Variants in HAGH observed in about 807,000 individuals in gnomAD.
HAGH encodes the protein hydroxyacylglutathione hydrolase.
In HAGH, 29 loss-of-function variants were observed where a neutral mutation model predicts 35.1. That is an observed-to-expected ratio of 0.83 (90% CI 0.62 to 1.13). The LOEUF is 1.13. HAGH is among the 50% of genes most tolerant of loss of function. The pLI is 0.00. For missense variants in HAGH, 478 were observed against 419.6 expected (o/e 1.14, Z -1.22); for synonymous variants, 225 against 176.1 (o/e 1.28, Z -2.20).
Position 1,809,253 on chromosome 16 carries a change from C to T in HAGH, c.*30G>A, listed in dbSNP as rs751340160. On this transcript the variant is annotated 3_prime_UTR_variant, in exon 9 of 9. Coordinates refer to ENST00000397356, the MANE Select transcript of HAGH (RefSeq NM_005326.6). ...AGCCAGTTACCTAAAAGAGCCTAAT[C>T]CCCAAATCCGCTGAAGGTGCAGGGC... The T allele has an allele frequency of 4.0e-6, 6 of 1,482,342 alleles. No individual in the cohort carries two copies. The highest frequency in any genetic ancestry group is 1.8e-5 in the Admixed American group (1 of 55,488). The allele number at this position is 1,482,342 out of a possible 1,614,324, so 91.8% of individuals were successfully genotyped here.
intron 7 of HAGH, chr16:1,810,771 G>C (rs1034599733): frequency 1.3e-5 from 2 of 152,366 alleles, no homozygotes; most frequent in African/African-American, 4.8e-5. Flanking sequence ...TCACCCCCGA[G>C]GTTCCCCACC....
chr16:1,815,553 GGAAAC>G lies in HAGH; in HGVS notation c.747+1335_747+1339del, dbSNP rs1395210914. 2.0e-5 allele frequency among the ~76,000 whole-genome samples: 3 copies of G among 152,202 alleles called. No individual in the cohort carries two copies. The East Asian group carries it at 5.8e-4, about 29-fold the overall frequency. On this transcript the variant is annotated intron_variant, in intron 7 of 8. Transcript: ENST00000397356. The stretch of plus-strand genomic sequence containing the variant: ...ACGGAGCAATGAGATTCTGTTCATG[GGAAAC>G]TAGAAAGTGACCTGAGGTCACAGCA...
Position 1,808,889 on chromosome 16 carries a change from A to G in HAGH, c.*394T>C, listed in dbSNP as rs1034924693. 2 of 180,022 alleles carry G rather than the reference A, an allele frequency of 1.1e-5. No individual in the cohort carries two copies. The highest frequency in any genetic ancestry group is 2.3e-5 in the Non-Finnish European group (2 of 86,450). 11.2% of individuals were successfully genotyped at this position (180,022 alleles called of 1,614,324 possible). On this transcript the variant is annotated 3_prime_UTR_variant, in exon 9 of 9. Transcript: ENST00000397356. ...ACCTCTCCCTGCCGGGGGCCTGAGC[A>G]GATCAGACCACAAGCACAGGCTGCA...
chr16:1,809,442 G>A lies in HAGH; in HGVS notation c.828-60C>T, dbSNP rs373404485. The A allele has an allele frequency of 1.3e-4, 183 of 1,374,836 alleles. No homozygotes were observed. In the African/African-American group the frequency reaches 1.5e-3, roughly 11 times the overall value. 85.2% of individuals were successfully genotyped at this position (1,374,836 alleles called of 1,614,324 possible). On this transcript the variant is annotated intron_variant, in intron 8 of 8. Transcript: ENST00000397356. ...GAGCCACGCCCACCGGAGGAGCCAGGGCCACTGCAGAGGAAGGCGACTCGT... is the reference window on the plus strand; with the variant it reads ...GAGCCACGCCCACCGGAGGAGCCAGAGCCACTGCAGAGGAAGGCGACTCGT...
intron 3 of HAGH, among the ~76,000 whole-genome samples, chr16:1,821,006 G>A (rs1215938565): frequency 6.6e-6 from 1 of 152,206 alleles, no homozygotes; most frequent in African/African-American, 2.4e-5. Flanking sequence ...GGGAGAGGCA[G>A]GGAGCTGCAG....
At chr16:1,817,117 C>T (rs781456244) in intron 6 of HAGH, 51 bp downstream of exon 6, 15 of 1,398,378 alleles carry the variant, frequency 1.1e-5, no homozygotes, top group African/African-American at 9.9e-5. Context: ...AGAGCAGCCC[C>T]GCCCTGGTTA....
Position 1,807,919 on chromosome 16 carries a change from C to A in HAGH, c.*1364G>T, listed in dbSNP as rs9933871. ...CAGGCTTGCTCCTAGGTCCCAGGGC[C>A]GCTCTGCCCCTCCACTCAGAAGAGT... On this transcript the variant is annotated 3_prime_UTR_variant, in exon 9 of 9. Coordinates refer to ENST00000397356, the MANE Select transcript of HAGH (RefSeq NM_005326.6). 6.6e-6 allele frequency: 1 copy of A among 152,212 alleles called. No homozygotes were observed. The highest frequency in any genetic ancestry group is 1.5e-5 in the Non-Finnish European group (1 of 68,064). 9.4% of individuals were successfully genotyped at this position (152,212 alleles called of 1,614,324 possible). A position where few individuals can be genotyped will look rare whatever the true frequency, so the allele number is the denominator to read the frequency against.
chr16:1,809,970 C>T, intron 7 of HAGH, 137 bp from the exon 8 acceptor site: 1 of 668,594 alleles, frequency 1.5e-6, no homozygotes, highest in East Asian at 2.7e-5. Flanking sequence ...TTGAGACCAG[C>T]CTGGACAACA....
intron 5 of HAGH, 62 bp downstream of exon 5, chr16:1,819,053 C>G (rs1375622376): frequency 9.4e-7 from 1 of 1,064,068 alleles, no homozygotes; most frequent in South Asian, 1.3e-5. Context: ...GTGAGCCTGC[C>G]TGGCAGGAGA....
At chr16:1,809,657 C>T in intron 8 of HAGH, 97 bp downstream of exon 8, 2 of 914,694 alleles carry the variant, frequency 2.2e-6, no homozygotes, top group Admixed American at 1.8e-5. Flanking sequence ...CCAAGGCAGC[C>T]TCAGCCATCT....
chr16:1,819,715 G>A (rs957950725), intron 4 of HAGH, 182 bp downstream of exon 4: 17 of 622,650 alleles, frequency 2.7e-5, no homozygotes, highest in East Asian at 1.1e-4. Context: ...GCACACAGCC[G>A]CGTTTTGCAC....
intron 3 of HAGH, chr16:1,822,016 G>A (rs35216968): frequency 0.083 from 29,041 of 348,126 alleles, 1,482 homozygotes; most frequent in African/African-American, 0.16. Flanking sequence ...TGAGGCCAAC[G>A]TGCCAGGGCA....
rs370426067 is a variant in HAGH, at chr16:1,809,726, C to T, written c.827+28G>A. 91 of 1,523,468 alleles carry T rather than the reference C, an allele frequency of 6.0e-5. No individual in the cohort carries two copies. The African/African-American group carries it at 7.8e-4, about 13-fold the overall frequency. The allele number at this position is 1,523,468 out of a possible 1,614,324, so 94.4% of individuals were successfully genotyped here. On this transcript the variant is annotated intron_variant, in intron 8 of 8. Coordinates refer to ENST00000397356, the MANE Select transcript of HAGH (RefSeq NM_005326.6). ...GTGGGACTGCCAGAGGGGAGGGGCC[C>T]GCGCCCACCACCTGCCCTGGGCCTC...
chr16:1,811,453 C>T (rs1897643346), intron 7 of HAGH, among the ~76,000 whole-genome samples: 1 of 148,150 alleles, frequency 6.7e-6, no homozygotes, highest in South Asian at 2.1e-4. Flanking sequence ...TTGCTCACAC[C>T]TGTAATCCCA....
intron 5 of HAGH, 178 bp downstream of exon 5, chr16:1,818,937 C>G (rs1189163216): frequency 1.7e-6 from 1 of 594,330 alleles, no homozygotes; most frequent in East Asian, 2.8e-5. Context: ...GACCACGATC[C>G]AAACCCATCA....
intron 7 of HAGH, among the ~76,000 whole-genome samples, chr16:1,815,719 A>G (rs1897859061): frequency 6.6e-6 from 1 of 152,070 alleles, no homozygotes; most frequent in African/African-American, 2.4e-5. Context: ...CAATCTGTCC[A>G]CTCAAGACAG....
At chr16:1,812,980 T>C (rs1454982877) in intron 7 of HAGH, among the ~76,000 whole-genome samples, 5 of 151,916 alleles carry the variant, frequency 3.3e-5, no homozygotes, top group Non-Finnish European at 7.4e-5. Context: ...GGAAGGGGAG[T>C]TTGGCAGTTT....
intron 6 of HAGH, 64 bp downstream of exon 6, chr16:1,817,104 G>A (rs1897934412): frequency 1.5e-6 from 2 of 1,344,900 alleles, no homozygotes; most frequent in Non-Finnish European, 2.1e-6. Flanking sequence ...GGTGCCAGGA[G>A]GGAGAGCAGC....
intron 7 of HAGH, among the ~76,000 whole-genome samples, chr16:1,815,685 ACAT>A (rs1484951833): frequency 6.6e-6 from 1 of 152,162 alleles, no homozygotes; most frequent in African/African-American, 2.4e-5. Context: ...ACAAGTGCAA[ACAT>A]CATCAACATT....
Sources: gnomAD v4.1 joint callset for allele counts (sites outside exome capture counted in the v4.1 genomes callset) on GRCh38, gnomAD v4.1.1 for gene constraint, MANE v1.5 for transcripts, NCBI Gene and HGNC (gene_info 2026-07-23, HGNC 2026-07-21) for gene names.